Variants in MYH14 observed in about 807,000 individuals in gnomAD.
MYH14 encodes myosin-14.
In MYH14, 123 loss-of-function variants were observed where a neutral mutation model predicts 255.5. The observed-to-expected ratio is 0.48, with a 90% CI of 0.42 to 0.56. The LOEUF is 0.56. MYH14 is among the 20% of genes least tolerant of loss of function. The pLI, the probability that MYH14 is intolerant of heterozygous loss-of-function variation, is 0.00. For missense variants in MYH14, 2,423 were observed against 2,802.3 expected (o/e 0.86, Z 3.06); for synonymous variants, 1,095 against 1,161.2 (o/e 0.94, Z 1.16).
At chr19:50,233,421 C>T (rs563004755) in intron 10 of MYH14, among the ~76,000 whole-genome samples, 5 of 152,264 alleles carry the variant, frequency 3.3e-5, no homozygotes, top group Middle Eastern at 6.8e-3. Context: ...CCACCCTCCT[C>T]GGCCTCTCAA....
At chr19:50,267,169 G>A (rs1332615638) in intron 23 of MYH14, among the ~76,000 whole-genome samples, 161 bp downstream of exon 23, 1 of 152,086 alleles carries the variant, frequency 6.6e-6, no homozygotes, top group Non-Finnish European at 1.5e-5. Flanking sequence ...CTGAGGCCGG[G>A]CGGGGATTGG....
chr19:50,291,004 G>A lies in MYH14; in HGVS notation c.5083G>A (p.Gly1695Ser), dbSNP rs199915414. 1.2e-5 allele frequency: 20 copies of A among 1,612,340 alleles called. No individual in the cohort carries two copies. Among genetic ancestry groups the A allele is most frequent in the Middle Eastern group, 1.7e-4 (1 of 6,054 alleles). The part of the protein sequence containing the change: ...EELKAQMASA[G>S]QGKEEAVKQL... Reference sequence around the variant, plus strand: ...GCTGAAGGCTCAGATGGCCTCTGCCGGCCAGGGCAAGGAGGAGGCGGTGAA... The same window carrying A: ...GCTGAAGGCTCAGATGGCCTCTGCCAGCCAGGGCAAGGAGGAGGCGGTGAA... Residue 1695 changes from glycine to serine, a missense_variant, in exon 36 of 43, where the codon GGC becomes AGC. By Grantham distance (56) the Gly-to-Ser change is moderately conservative. This residue lies in a region of MYH14 where 1,513 missense variants were observed against 1,674.8 expected (regional missense o/e 0.90). Coordinates refer to ENST00000642316, the MANE Select transcript of MYH14 (RefSeq NM_001145809.2).
chr19:50,230,508 T>C lies in MYH14; in HGVS notation c.875-17T>C. On this transcript the variant is annotated splice_polypyrimidine_tract_variant and intron_variant, in intron 8 of 42. Coordinates refer to ENST00000642316, the MANE Select transcript of MYH14 (RefSeq NM_001145809.2). This position sits in a 1 kb window ranked among gnomAD's most constrained non-coding sequence, Gnocchi z 4.7. ...GGCCGTCCCTTCCCCTCTAGCACCT[T>C]GACTCGCTGTGTCCAGACCTGCTGG... 6.4e-7 allele frequency: 1 copy of C among 1,553,116 alleles called. No individual in the cohort carries two copies. The highest frequency in any genetic ancestry group is 8.7e-7 in the Non-Finnish European group (1 of 1,148,156).
At chr19:50,233,877 G>A (rs1371483645) in intron 10 of MYH14, among the ~76,000 whole-genome samples, 3 of 145,944 alleles carry the variant, frequency 2.1e-5, no homozygotes, top group Non-Finnish European at 4.5e-5. Context: ...TGCAAGTGGT[G>A]CAATCTCGGC....
intron 39 of MYH14, among the ~76,000 whole-genome samples, chr19:50,296,984 T>TTTTTGTTTG (rs1555777595): frequency 1.3e-5 from 2 of 151,628 alleles, no homozygotes; most frequent in African/African-American, 4.8e-5. Flanking sequence ...CTCTGTTTTT[T>TTTTTGTTTG]TTTGTTTGTT....
At chr19:50,223,192 G>A in intron 4 of MYH14, 55 bp from the exon 5 acceptor site, 1 of 1,603,380 alleles carries the variant, frequency 6.2e-7, no homozygotes, top group Non-Finnish European at 8.5e-7. Flanking sequence ...GGGCAGGTGG[G>A]GAGCTTGCCT....
chr19:50,264,849 T>A (rs1406583266), intron 22 of MYH14, among the ~76,000 whole-genome samples: 1 of 151,878 alleles, frequency 6.6e-6, no homozygotes, highest in Non-Finnish European at 1.5e-5. Context: ...AAGCAGAGGG[T>A]GCCAAGCCAG....
chr19:50,281,394 G>T (rs2035712275), intron 32 of MYH14, among the ~76,000 whole-genome samples, 200 bp from the exon 33 acceptor site: 1 of 152,182 alleles, frequency 6.6e-6, no homozygotes, highest in Non-Finnish European at 1.5e-5. Flanking sequence ...ATCTTGGAGG[G>T]AGTAATTTTA....
chr19:50,251,521 TAC>T (rs56728213), intron 15 of MYH14, among the ~76,000 whole-genome samples: 3,668 of 72,486 alleles, frequency 0.051, 88 homozygotes, highest in Middle Eastern at 0.12. Context: ...ATATACACAC[TAC>T]ACACACACAC....
At chr19:50,213,317 G>T (rs78000626) in intron 2 of MYH14, among the ~76,000 whole-genome samples, 1 of 152,108 alleles carries the variant, frequency 6.6e-6, no homozygotes, top group South Asian at 2.1e-4. Flanking sequence ...TGTCATCCCC[G>T]CTCTGCAGGT....
intron 17 of MYH14, 66 bp downstream of exon 17, chr19:50,255,384 G>A: frequency 3.9e-6 from 5 of 1,280,276 alleles, no homozygotes; most frequent in Non-Finnish European, 5.5e-6. Flanking sequence ...GTTGGGCTGG[G>A]GACCTGGTTT....
At chr19:50,204,201 T>C (rs73582347) in intron 1 of MYH14, among the ~76,000 whole-genome samples, 4,014 of 152,208 alleles carry the variant, frequency 0.026, 67 homozygotes, top group African/African-American at 0.041. Context: ...AGTTATATTG[T>C]ACCCATTATA....
At chr19:50,255,361 G>T in intron 17 of MYH14, 43 bp downstream of exon 17, 1 of 1,469,998 alleles carries the variant, frequency 6.8e-7, no homozygotes. Context: ...TGCTGGAGGA[G>T]GAGGGTGGAC....
chr19:50,226,871 T>C (rs755077729), intron 7 of MYH14, 32 bp from the exon 8 acceptor site: 11 of 1,612,082 alleles, frequency 6.8e-6, no homozygotes, highest in Non-Finnish European at 8.5e-6. Context: ...GGGGACCCTC[T>C]GCTGAAGCCC....
At position 50,249,063 on chromosome 19, in the gene MYH14, G is replaced by A. The variant is rs1392060296; in HGVS notation, c.1406G>A (p.Arg469Gln). The part of the protein sequence containing the change: ...LFRWLVLRLN[R>Q]ALDRSPRQGA... ...CGCTGGCTGGTTCTGCGCCTCAACCGGGCCTTGGACCGCAGCCCCCGCCAA... is the reference window on the plus strand; with the variant it reads ...CGCTGGCTGGTTCTGCGCCTCAACCAGGCCTTGGACCGCAGCCCCCGCCAA... Residue 469 changes from arginine to glutamine, a missense_variant, in exon 13 of 43, where the codon CGG becomes CAG. Transcript: ENST00000642316. 5.0e-6 allele frequency: 8 copies of A among 1,611,136 alleles called. No homozygotes were observed. Among genetic ancestry groups the A allele is most frequent in the East Asian group, 2.2e-5 (1 of 44,790 alleles).
chr19:50,278,141 G>A lies in MYH14; in HGVS notation c.3884G>A (p.Arg1295Gln), dbSNP rs377014092. The part of the protein sequence containing the change: ...LALEAEVSEL[R>Q]AELSSLQTAR... ...CTGGAGGCCGAGGTGTCCGAGCTGC[G>A]GGCAGAACTGAGCAGCCTGCAGACT... Residue 1295 changes from arginine (R) to glutamine (Q), a missense_variant, in exon 30 of 43, where the codon CGG becomes CAG. Around this residue, in one of 3 missense-constraint regions of MYH14, gnomAD observed 1,513 missense variants for 1,674.8 expected, o/e 0.90. Transcript: ENST00000642316. The A allele has an allele frequency of 2.1e-5, 33 of 1,608,430 alleles. No homozygotes were observed. Among genetic ancestry groups the A allele is most frequent in the African/African-American group, 4.0e-5 (3 of 74,804 alleles).
chr19:50,278,133 C>T lies in MYH14; in HGVS notation c.3876C>T (p.Ser1292=), dbSNP rs368466364. ...GGCTGGCCCTGGAGGCCGAGGTGTC[C>T]GAGCTGCGGGCAGAACTGAGCAGCC... ...KTRLALEAEV[S]ELRAELSSLQ... Residue 1292 remains serine (S), a synonymous_variant, in exon 30 of 43, where the codon TCC becomes TCT. Transcript: ENST00000642316. 67 of 1,604,156 alleles carry T rather than the reference C, an allele frequency of 4.2e-5. No homozygotes were observed. The highest frequency in any genetic ancestry group is 6.7e-5 in the East Asian group (3 of 44,586).
intron 10 of MYH14, 108 bp downstream of exon 10, chr19:50,232,178 C>G (rs568058146): frequency 5.8e-6 from 8 of 1,388,750 alleles, no homozygotes; most frequent in African/African-American, 1.4e-5. Context: ...TGAGCACCTA[C>G]TGGGTGCAGG....
rs1462483218 is a variant in MYH14, at chr19:50,224,151, C to T, written c.694-3C>T. On this transcript the variant is annotated splice_region_variant and splice_polypyrimidine_tract_variant and intron_variant, in intron 5 of 42. Transcript: ENST00000642316. ...CGTGTCTCGTGTCCCGTGACTTCCT[C>T]AGGCCTCCGTCAGCACCGTGTCTTA... 1.2e-6 allele frequency: 2 copies of T among 1,613,382 alleles called. No homozygotes were observed. The highest frequency in any genetic ancestry group is 2.2e-5 in the South Asian group (2 of 91,058).
Sources: allele counts gnomAD v4.1 joint callset (sites outside exome capture counted in the v4.1 genomes callset), GRCh38; gene constraint gnomAD v4.1.1; regional missense constraint gnomAD v4.1.1; non-coding constraint Gnocchi (gnomAD v3.1); transcripts MANE v1.5; gene names NCBI Gene and HGNC (gene_info 2026-07-23, HGNC 2026-07-21).